MAST2: variants seen among roughly 807,000 people sequenced by gnomAD.
The protein encoded by MAST2 is microtubule-associated serine/threonine-protein kinase 2.
A neutral mutation model predicts 147.4 loss-of-function variants in MAST2; 70 were observed. The ratio of observed to expected loss-of-function variants is 0.47; its 90% CI spans 0.39 to 0.58. The LOEUF is 0.58. MAST2 is among the 20% of genes least tolerant of loss of function. The pLI is 0.00. For synonymous variants in MAST2, 869 were observed against 896.8 expected (o/e 0.97, Z 0.55); for missense variants, 2,080 against 2,302.3 (o/e 0.90, Z 1.98).
At chr1:45,907,907 GTC>G (rs996955766) in intron 4 of MAST2, among the ~76,000 whole-genome samples, 1 of 151,918 alleles carries the variant, frequency 6.6e-6, no homozygotes, top group African/African-American at 2.4e-5. Context: ...TGAACTTTTT[GTC>G]TATTTTAAAT....
intron 4 of MAST2, among the ~76,000 whole-genome samples, chr1:45,936,614 C>T (rs1557932781): frequency 6.6e-6 from 1 of 152,062 alleles, no homozygotes. Flanking sequence ...AACCACCAGC[C>T]TTCTGTGTGT....
intron 4 of MAST2, among the ~76,000 whole-genome samples, chr1:45,938,631 T>C (rs1656654584): frequency 6.6e-6 from 1 of 152,202 alleles, no homozygotes; most frequent in African/African-American, 2.4e-5. Flanking sequence ...CCAAACTATG[T>C]TTACCTTTTT....
chr1:45,984,752 C>T (rs1174904839), intron 5 of MAST2, among the ~76,000 whole-genome samples: 1 of 152,064 alleles, frequency 6.6e-6, no homozygotes, highest in African/African-American at 2.4e-5. Flanking sequence ...CTTTGGGAGG[C>T]CAACGCGGGA....
At chr1:45,806,178 A>G (rs557453109) in intron 1 of MAST2, among the ~76,000 whole-genome samples, 56 of 152,306 alleles carry the variant, frequency 3.7e-4, no homozygotes, top group African/African-American at 1.3e-3. Context: ...TTCTCCTAGC[A>G]CTACTCTTTT....
rs557757335 is a variant in MAST2, at chr1:45,817,927, G to A, written c.178-6506G>A. On this transcript the variant is annotated intron_variant, in intron 1 of 28. Transcript: ENST00000361297. ...CCAATGAGAAATGTTTGTTCTTGTTGTGTAAAAATCCATGCTTTGGGATTT... is the reference window on the plus strand; with the variant it reads ...CCAATGAGAAATGTTTGTTCTTGTTATGTAAAAATCCATGCTTTGGGATTT... Among the ~76,000 whole-genome samples, 240 of 152,024 alleles carry A rather than the reference G, an allele frequency of 1.6e-3. 1 individual carries two copies. The highest frequency in any genetic ancestry group is 5.7e-3 in the African/African-American group (234 of 41,300).
At chr1:45,915,476 C>T (rs188699940) in intron 4 of MAST2, among the ~76,000 whole-genome samples, 9 of 152,172 alleles carry the variant, frequency 5.9e-5, no homozygotes, top group Admixed American at 3.9e-4. Context: ...TTTGGGAGGC[C>T]GAGGCGGGCG....
At position 46,022,937 on chromosome 1, in the gene MAST2, G is replaced by A. The variant is rs750808179; in HGVS notation, c.1451G>A (p.Ser484Asn). The A allele has an allele frequency of 6.2e-7, 1 of 1,614,060 alleles. No individual in the cohort carries two copies. Among genetic ancestry groups the A allele is most frequent in the African/African-American group, 1.3e-5 (1 of 74,928 alleles). The change falls in exon 13 of 29, where the codon AGT becomes AAT. Residue 484 changes from serine to asparagine, a missense_variant. Ser to Asn is a conservative substitution (Grantham distance 46). Transcript: ENST00000361297. ...EEMAQLSSCD[S>N]PDTPETDDSI... Reference sequence around the variant, plus strand: ...ATGGCCCAGTTGAGCAGCTGTGACAGTCCTGACACTCCAGAGACAGATGAT... The same window carrying A: ...ATGGCCCAGTTGAGCAGCTGTGACAATCCTGACACTCCAGAGACAGATGAT...
chr1:45,901,872 C>A (rs1398020494), intron 4 of MAST2, among the ~76,000 whole-genome samples: 4 of 152,100 alleles, frequency 2.6e-5, no homozygotes, highest in Non-Finnish European at 4.4e-5. Context: ...GTCTAGGAAT[C>A]ATTTGGAGTA....
At position 45,970,667 on chromosome 1, in the gene MAST2, C is replaced by CAAAAAAAAAA. The variant is rs754544108; in HGVS notation, c.592+11203_592+11212dup. ...TGGGCAACAGAGGAAGACTCTGTCT[C>CAAAAAAAAAA]AAAAAAAAAAAAAAAAAAAAAAGAA... On this transcript the variant is annotated intron_variant, in intron 5 of 28. Transcript: ENST00000361297. 1.7e-4 allele frequency among the ~76,000 whole-genome samples: 12 copies of CAAAAAAAAAA among 72,396 alleles called. 1 individual carries two copies. Among genetic ancestry groups the CAAAAAAAAAA allele is most frequent in the Non-Finnish European group, 2.2e-4 (9 of 40,682 alleles). 47.5% of individuals were successfully genotyped at this position (72,396 alleles called of 152,430 possible).
intron 4 of MAST2, among the ~76,000 whole-genome samples, chr1:45,903,135 T>TC (rs1469957440): frequency 8.0e-6 from 1 of 125,146 alleles, no homozygotes; most frequent in Non-Finnish European, 1.7e-5. Context: ...TCTTTTTTTT[T>TC]TTTTTTTTTT....
intron 5 of MAST2, among the ~76,000 whole-genome samples, chr1:45,962,904 A>G (rs985792918): frequency 3.3e-5 from 5 of 152,184 alleles, no homozygotes; most frequent in South Asian, 4.1e-4. Context: ...TAGGTCTAAC[A>G]TTTAAGTCTT....
chr1:45,875,044 G>T (rs1646542507), intron 3 of MAST2, among the ~76,000 whole-genome samples: 1 of 152,230 alleles, frequency 6.6e-6, no homozygotes, highest in South Asian at 2.1e-4. Context: ...TTATGCAAAT[G>T]ATACTGAGGA....
At position 46,034,849 on chromosome 1, in the gene MAST2, G is replaced by T. The variant is rs1646834522; in HGVS notation, c.4180G>T (p.Ala1394Ser). ...LGRQLSRPKSAEPPRSPLLKR... is the reference protein window; with the variant it reads ...LGRQLSRPKSSEPPRSPLLKR... ...CAGGCAACTCTCACGGCCCAAGAGT[G>T]CGGAGCCACCCCGTTCACCACTACT... is the stretch of plus-strand genomic sequence containing the variant. Residue 1394 changes from alanine to serine, a missense_variant, in exon 29 of 29, where the codon GCG (alanine) becomes TCG (serine). This residue lies in a region of MAST2 where 1,278 missense variants were observed against 1,304.2 expected (regional missense o/e 0.98). Transcript: ENST00000361297. 1 of 1,614,220 alleles carries T rather than the reference G, an allele frequency of 6.2e-7. No individual in the cohort carries two copies. The highest frequency in any genetic ancestry group is 1.7e-5 in the Admixed American group (1 of 60,028).
intron 4 of MAST2, among the ~76,000 whole-genome samples, chr1:45,892,529 C>G (rs1218140536): frequency 6.6e-6 from 1 of 152,182 alleles, no homozygotes; most frequent in African/African-American, 2.4e-5. Context: ...AAAAAAAGTT[C>G]TGGAAATTCT....
Position 46,002,941 on chromosome 1 carries a change from G to A in MAST2, c.747+58G>A. 2.6e-6 allele frequency: 4 copies of A among 1,517,972 alleles called. No homozygotes were observed. The South Asian group carries it at 3.4e-5, about 13-fold the overall frequency. 94.0% of individuals were successfully genotyped at this position (1,517,972 alleles called of 1,614,324 possible). The stretch of plus-strand genomic sequence containing the variant: ...CACCCTAAGGAAGTACTTCCCTTTG[G>A]GTTATCTAGTGTCACAAAATGGTTC... On this transcript the variant is annotated intron_variant, in intron 7 of 28. Coordinates refer to ENST00000361297, the MANE Select transcript of MAST2 (RefSeq NM_015112.3).
chr1:45,822,414 C>G (rs1644665591), intron 1 of MAST2, among the ~76,000 whole-genome samples: 1 of 152,104 alleles, frequency 6.6e-6, no homozygotes, highest in African/African-American at 2.4e-5. Context: ...GTGTGATCCT[C>G]TCTTTCTTTT....
chr1:45,917,517 C>T (rs369420907), intron 4 of MAST2: 14 of 1,366,524 alleles, frequency 1.0e-5, no homozygotes, highest in Admixed American at 3.8e-5. Flanking sequence ...TTGTTCCAGC[C>T]GCCCACTGCC....
chr1:45,984,678 C>A (rs540298168), intron 5 of MAST2, among the ~76,000 whole-genome samples: 1 of 152,032 alleles, frequency 6.6e-6, no homozygotes, highest in Non-Finnish European at 1.5e-5. Flanking sequence ...GGGTTTAGAC[C>A]TAAGATTTTT....
Position 45,926,745 on chromosome 1 carries a change from AT to A in MAST2, c.501-32629del, listed in dbSNP as rs5773898. On this transcript the variant is annotated intron_variant, in intron 4 of 28. Coordinates refer to ENST00000361297, the MANE Select transcript of MAST2 (RefSeq NM_015112.3). ...TTGTTAGAGTAGGGAAGGTTTTTTG[AT>A]TTTTTTTTTTTGTTTTTTCATTGAA... 2.5e-3 allele frequency among the ~76,000 whole-genome samples: 368 copies of A among 145,568 alleles called. 1 individual carries two copies. The highest frequency in any genetic ancestry group is 4.8e-3 in the African/African-American group (192 of 40,054).
Sources: gnomAD v4.1 joint callset for allele counts (sites outside exome capture counted in the v4.1 genomes callset) on GRCh38, gnomAD v4.1.1 for gene constraint, gnomAD v4.1.1 regional missense constraint, MANE v1.5 for transcripts, NCBI Gene and HGNC (gene_info 2026-07-23, HGNC 2026-07-21) for gene names.